Variants in PTK2 observed in about 807,000 individuals in gnomAD.
The protein encoded by PTK2 is protein tyrosine kinase 2, also known as focal adhesion kinase 1.
In PTK2, 45 loss-of-function variants were observed where a neutral mutation model predicts 150.1. The ratio of observed to expected loss-of-function variants is 0.30; its 90% CI spans 0.24 to 0.38. PTK2 has a LOEUF of 0.38. Ranked by LOEUF, PTK2 falls within the 10% of genes least tolerant of loss-of-function variation. PTK2 has a pLI of 1.00. For synonymous variants in PTK2, 432 were observed against 449.2 expected (o/e 0.96, Z 0.48); for missense variants, 919 against 1,307.3 (o/e 0.70, Z 4.58).
chr8:140,743,158 T>C (rs1593224383), intron 20 of PTK2, 72 bp downstream of exon 23: 2 of 1,035,900 alleles, frequency 1.9e-6, no homozygotes, highest in Middle Eastern at 2.9e-4. Context: ...GTGAGCATAT[T>C]AGAACATACT....
intron 2 of PTK2, among the ~76,000 whole-genome samples, chr8:140,903,553 G>C (rs916986222): frequency 3.3e-5 from 5 of 152,098 alleles, no homozygotes; most frequent in African/African-American, 1.2e-4. Flanking sequence ...GTCAATGGGA[G>C]CTTCATGGGG....
At chr8:140,669,332 T>C (rs2094356756) in intron 29 of PTK2, 1 of 138,184 alleles carries the variant, frequency 7.2e-6, no homozygotes, top group Non-Finnish European at 1.5e-5. Flanking sequence ...TATATATATA[T>C]ATATATATAC....
At chr8:140,703,194 C>T (rs918384772) in intron 24 of PTK2, among the ~76,000 whole-genome samples, 3 of 151,620 alleles carry the variant, frequency 2.0e-5, no homozygotes, top group Middle Eastern at 3.4e-3. Context: ...ACCCGGGAGG[C>T]GGAGCTTGCA....
intron 22 of PTK2, among the ~76,000 whole-genome samples, chr8:140,732,146 C>G (rs2100049804): frequency 6.6e-6 from 1 of 152,024 alleles, no homozygotes; most frequent in South Asian, 2.1e-4. Context: ...AATTAATAAC[C>G]TATTTAGTTA....
chr8:140,818,289 G>A (rs754233902), exon 10 of PTK2: 29 of 1,613,396 alleles, frequency 1.8e-5, no homozygotes, highest in Non-Finnish European at 5.9e-6. Context: ...TGCAGCCCTT[G>A]TCCGTTAGGT....
chr8:140,787,580 C>T (rs1265912379), intron 14 of PTK2, among the ~76,000 whole-genome samples: 3 of 152,098 alleles, frequency 2.0e-5, no homozygotes, highest in Admixed American at 2.0e-4. Context: ...GAGGTTTAAA[C>T]CTTGAATGGA....
intron 11 of PTK2, among the ~76,000 whole-genome samples, chr8:140,801,749 A>G (rs575008021): frequency 1.3e-5 from 2 of 152,292 alleles, no homozygotes; most frequent in South Asian, 4.1e-4. Context: ...ATCATGGACA[A>G]CACAGTGTGG....
At chr8:140,873,505 G>A (rs1032565023) in intron 4 of PTK2, among the ~76,000 whole-genome samples, 2 of 151,656 alleles carry the variant, frequency 1.3e-5, no homozygotes, top group Non-Finnish European at 2.9e-5. Context: ...TCGCTCTGTC[G>A]CCTAGGCTGG....
chr8:140,752,432 G>T, intron 16 of PTK2, 116 bp from the exon 20 acceptor site: 1 of 817,286 alleles, frequency 1.2e-6, no homozygotes, highest in Non-Finnish European at 2.0e-6. Flanking sequence ...GACAGAATCA[G>T]AACGGCAAAA....
At position 140,681,139 on chromosome 8, in the gene PTK2, T is replaced by C. The variant is rs7818392; in HGVS notation, c.2562+5493A>G. Among the ~76,000 whole-genome samples the C allele has an allele frequency of 9.3e-4, 132 of 142,228 alleles. 1 individual carries two copies. Among genetic ancestry groups the C allele is most frequent in the Non-Finnish European group, 1.1e-3 (72 of 64,456 alleles). 93.3% of individuals were successfully genotyped at this position (142,228 alleles called of 152,430 possible). A position where few individuals can be genotyped will look rare whatever the true frequency, so the allele number is the denominator to read the frequency against. ...CAGCACTTTGGGAGGCCAAGGCGAG[T>C]GGATCACTGGAGGTCAGGAGTTCAA... On this transcript the variant is annotated intron_variant, in intron 27 of 31. Transcript: ENST00000522684.
intron 26 of PTK2, among the ~76,000 whole-genome samples, chr8:140,697,644 G>T (rs367906815): frequency 3.2e-4 from 48 of 152,114 alleles, no homozygotes; most frequent in African/African-American, 1.1e-3. Flanking sequence ...GGCCGGTCTC[G>T]AACTCCTGAC....
intron 14 of PTK2, among the ~76,000 whole-genome samples, chr8:140,770,184 T>C (rs1285578027): frequency 1.3e-5 from 2 of 152,196 alleles, no homozygotes; most frequent in Non-Finnish European, 2.9e-5. Context: ...ATAAATTTTG[T>C]TTTGAATAGT....
chr8:140,784,204 C>T (rs1386534664), intron 14 of PTK2, among the ~76,000 whole-genome samples: 2 of 152,152 alleles, frequency 1.3e-5, no homozygotes, highest in African/African-American at 4.8e-5. Flanking sequence ...GCATGAAGGG[C>T]TTAGAGACAA....
At chr8:140,830,302 A>C (rs529589545) in intron 8 of PTK2, among the ~76,000 whole-genome samples, 170 bp downstream of exon 8, 1 of 152,360 alleles carries the variant, frequency 6.6e-6, no homozygotes, top group South Asian at 2.1e-4. Context: ...AGCTATACTA[A>C]AAACCTATTT....
At chr8:140,743,183 G>A (rs1455882452) in intron 20 of PTK2, 47 bp downstream of exon 23, 5 of 1,292,314 alleles carry the variant, frequency 3.9e-6, no homozygotes, top group Non-Finnish European at 4.5e-6. Flanking sequence ...TTAGAAATAC[G>A]TTAAAGATTC....
intron 1 of PTK2, among the ~76,000 whole-genome samples, chr8:140,959,690 T>A (rs116349342): frequency 6.6e-6 from 1 of 151,982 alleles, no homozygotes; most frequent in Non-Finnish European, 1.5e-5. Context: ...CCTAAATGGA[T>A]CTTTTACAAT....
chr8:140,799,823 CA>C (rs1266766309), intron 12 of PTK2, among the ~76,000 whole-genome samples: 2 of 152,154 alleles, frequency 1.3e-5, no homozygotes, highest in Admixed American at 1.3e-4. Flanking sequence ...ACTTAAGTCC[CA>C]TAATTCCCAA....
intron 26 of PTK2, among the ~76,000 whole-genome samples, chr8:140,689,566 C>T (rs947661039): frequency 6.6e-6 from 1 of 152,194 alleles, no homozygotes; most frequent in Non-Finnish European, 1.5e-5. Flanking sequence ...AATTTCCTGA[C>T]ATTGGTTAAC....
intron 29 of PTK2, among the ~76,000 whole-genome samples, chr8:140,671,031 G>C (rs1193377661): frequency 6.6e-6 from 1 of 152,070 alleles, no homozygotes; most frequent in East Asian, 1.9e-4. Flanking sequence ...CTATTTTCTG[G>C]AGCTTGACAA....
Sources: gnomAD v4.1 joint callset for allele counts (sites outside exome capture counted in the v4.1 genomes callset) on GRCh38, gnomAD v4.1.1 for gene constraint, MANE v1.5 for transcripts, NCBI Gene and HGNC (gene_info 2026-07-23, HGNC 2026-07-21) for gene names.